Variants in KCNH5 observed in about 807,000 individuals in gnomAD.
KCNH5 encodes voltage-gated delayed rectifier potassium channel KCNH5.
A neutral mutation model predicts 96.1 loss-of-function variants in KCNH5; 46 were observed. The ratio of observed to expected loss-of-function variants is 0.48; its 90% CI spans 0.38 to 0.61. The LOEUF (loss-of-function observed/expected upper bound fraction) is 0.61. Among genes scored for constraint, KCNH5 ranks in the 20% least tolerant of loss-of-function variants. KCNH5 has a pLI of 0.00. For synonymous variants in KCNH5, 439 were observed against 449.8 expected (o/e 0.98, Z 0.30); for missense variants, 907 against 1,225.8 (o/e 0.74, Z 3.88).
At chr14:62,918,482 C>T (rs1348348208) in intron 7 of KCNH5, among the ~76,000 whole-genome samples, 2 of 151,854 alleles carry the variant, frequency 1.3e-5, no homozygotes, top group Non-Finnish European at 2.9e-5. Context: ...GTAAGATAAA[C>T]GAAAGGCTTA....
chr14:63,004,097 G>A (rs1016293974), intron 3 of KCNH5, among the ~76,000 whole-genome samples: 1 of 152,116 alleles, frequency 6.6e-6, no homozygotes, highest in African/African-American at 2.4e-5. Context: ...TAACTTAATT[G>A]CTTAAAGGAC....
intron 9 of KCNH5, among the ~76,000 whole-genome samples, chr14:62,788,660 C>G (rs895781051): frequency 6.6e-6 from 1 of 152,130 alleles, no homozygotes; most frequent in Admixed American, 6.5e-5. Flanking sequence ...ATTGCCCCCT[C>G]TATTCCACCC....
At chr14:62,762,203 C>T (rs937302176) in intron 10 of KCNH5, among the ~76,000 whole-genome samples, 1 of 152,128 alleles carries the variant, frequency 6.6e-6, no homozygotes, top group Non-Finnish European at 1.5e-5. Flanking sequence ...TCTCCATACT[C>T]TTCTTGGTGG....
At chr14:63,028,534 G>A (rs1038305208) in intron 1 of KCNH5, among the ~76,000 whole-genome samples, 2 of 152,126 alleles carry the variant, frequency 1.3e-5, no homozygotes, top group Admixed American at 1.3e-4. Flanking sequence ...TAGAACACAT[G>A]TTCCTTAAAT....
chr14:62,853,932 G>A (rs562161013), intron 7 of KCNH5, among the ~76,000 whole-genome samples: 65 of 150,154 alleles, frequency 4.3e-4, no homozygotes, highest in Middle Eastern at 3.5e-3. Flanking sequence ...GCTTGAACCC[G>A]GGAGGCGGAG....
chr14:62,748,704 G>A (rs1024438736), intron 10 of KCNH5, among the ~76,000 whole-genome samples: 20 of 152,098 alleles, frequency 1.3e-4, no homozygotes, highest in Non-Finnish European at 2.8e-4. Flanking sequence ...GAGGAGCTCA[G>A]TCAGAGAGCG....
intron 10 of KCNH5, 139 bp from the exon 11 acceptor site, chr14:62,708,594 A>T (rs1884496463): frequency 1.8e-6 from 1 of 555,344 alleles, no homozygotes; most frequent in Non-Finnish European, 3.0e-6. Context: ...AGAAAAAAAA[A>T]TTTAAATACC....
At chr14:62,955,925 A>G (rs918330533) in intron 6 of KCNH5, among the ~76,000 whole-genome samples, 14 of 152,176 alleles carry the variant, frequency 9.2e-5, no homozygotes, top group African/African-American at 3.4e-4. Context: ...AAGGAACAGA[A>G]GTATCACTCA....
At chr14:63,037,590 AT>A (rs890637994) in intron 1 of KCNH5, among the ~76,000 whole-genome samples, 1 of 152,184 alleles carries the variant, frequency 6.6e-6, no homozygotes. Context: ...TTTCCCCCAA[AT>A]TTAAAAAATA....
intron 9 of KCNH5, among the ~76,000 whole-genome samples, chr14:62,793,025 C>A (rs1218167886): frequency 6.6e-6 from 1 of 151,588 alleles, no homozygotes; most frequent in Admixed American, 6.6e-5. Flanking sequence ...AGCACTATGC[C>A]AAACAAAATA....
rs190342136 is a variant in KCNH5, at chr14:62,991,880, C to T, written c.434-4693G>A. Among the ~76,000 whole-genome samples the T allele has an allele frequency of 6.4e-3, 971 of 152,142 alleles. 9 individuals are homozygous for T. The highest frequency in any genetic ancestry group is 0.016 in the South Asian group (79 of 4,816). On this transcript the variant is annotated intron_variant, in intron 4 of 10. Transcript: ENST00000322893. ...ATGAGGTACAAGTGCAATTTCTTTA[C>T]ATGTATCAATTGTATAATGGTCAGG...
At chr14:62,839,852 G>C (rs900707861) in intron 8 of KCNH5, among the ~76,000 whole-genome samples, 1 of 151,992 alleles carries the variant, frequency 6.6e-6, no homozygotes, top group Non-Finnish European at 1.5e-5. Flanking sequence ...AAAAGTTTCA[G>C]CTTCTAACAA....
intron 10 of KCNH5, among the ~76,000 whole-genome samples, chr14:62,724,456 C>T (rs1240256461): frequency 6.6e-6 from 1 of 152,142 alleles, no homozygotes; most frequent in East Asian, 1.9e-4. Flanking sequence ...TTTTATACTC[C>T]TTAAATTATT....
chr14:62,944,007 G>C (rs1595694340), intron 7 of KCNH5, among the ~76,000 whole-genome samples: 1 of 152,142 alleles, frequency 6.6e-6, no homozygotes, highest in South Asian at 2.1e-4. Flanking sequence ...GGAGGGATCT[G>C]GAAGGAATCT....
rs114926714 is a variant in KCNH5, at chr14:62,800,491, G to A, written c.1822+1838C>T. 8.5e-3 allele frequency among the ~76,000 whole-genome samples: 1,294 copies of A among 152,188 alleles called. 12 individuals are homozygous for A. Among genetic ancestry groups the A allele is most frequent in the African/African-American group, 0.029 (1,186 of 41,528 alleles). Reference sequence around the variant, plus strand: ...TTTCTCCAACCTTCTTTTAGAAAAGGAGTTACCCAAATGAAGTTGTAATGA... The same window carrying A: ...TTTCTCCAACCTTCTTTTAGAAAAGAAGTTACCCAAATGAAGTTGTAATGA... On this transcript the variant is annotated intron_variant, in intron 9 of 10. Coordinates refer to ENST00000322893, the MANE Select transcript of KCNH5 (RefSeq NM_139318.5).
rs763289197 is a variant in KCNH5, at chr14:62,707,999, C to T, written c.2476G>A (p.Glu826Lys). ...GCTTTAGTGACATTATTCCAGTCTT[C>T]CTTTTTCTCCTCATGGGCTCCCATA... Reference protein sequence around the residue: ...NNMGAHEEKKEDWNNVTKAES... With the variant: ...NNMGAHEEKKKDWNNVTKAES... Residue 826 changes from glutamate to lysine, a missense_variant, in exon 11 of 11, where the codon GAA becomes AAA. Transcript: ENST00000322893. The T allele has an allele frequency of 1.9e-6, 3 of 1,614,212 alleles. No homozygotes were observed. The highest frequency in any genetic ancestry group is 1.3e-5 in the African/African-American group (1 of 75,040).
At chr14:63,015,743 A>G (rs1231742601) in intron 2 of KCNH5, among the ~76,000 whole-genome samples, 1 of 151,894 alleles carries the variant, frequency 6.6e-6, no homozygotes, top group Non-Finnish European at 1.5e-5. Flanking sequence ...ACATATATAA[A>G]AAGTCAGCCC....
At chr14:62,847,122 T>C (rs1887715108) in intron 8 of KCNH5, among the ~76,000 whole-genome samples, 1 of 147,560 alleles carries the variant, frequency 6.8e-6, no homozygotes, top group Non-Finnish European at 1.5e-5. Flanking sequence ...TTTATTATTG[T>C]ATTTTAAAAT....
At chr14:62,747,885 G>T (rs1292884860) in intron 10 of KCNH5, among the ~76,000 whole-genome samples, 4 of 152,084 alleles carry the variant, frequency 2.6e-5, no homozygotes. Context: ...TGTGTTAATA[G>T]GAGAAAAAAA....
Sources: allele counts gnomAD v4.1 joint callset (sites outside exome capture counted in the v4.1 genomes callset), GRCh38; gene constraint gnomAD v4.1.1; transcripts MANE v1.5; gene names NCBI Gene and HGNC (gene_info 2026-07-23, HGNC 2026-07-21).